Variants in SORCS3 observed in about 807,000 individuals in gnomAD.
SORCS3 encodes the protein sortilin related VPS10 domain containing receptor 3, also known as VPS10 domain-containing receptor SorCS3.
SORCS3 carries 57 observed loss-of-function variants against 146.3 expected under a neutral mutation model. The observed-to-expected ratio is 0.39, with a 90% CI of 0.31 to 0.49. SORCS3 has a LOEUF of 0.49. SORCS3 is among the 20% of genes least tolerant of loss of function. SORCS3 has a pLI of 0.92. For synonymous variants in SORCS3, 653 were observed against 618.5 expected (o/e 1.06, Z -0.83); for missense variants, 1,341 against 1,575.5 (o/e 0.85, Z 2.52).
chr10:105,083,078 A>G (rs529746803), intron 5 of SORCS3, among the ~76,000 whole-genome samples: 3 of 152,276 alleles, frequency 2.0e-5, no homozygotes, highest in South Asian at 4.1e-4. Flanking sequence ...TCATAAATTC[A>G]TACCTGATCT....
chr10:105,155,000 G>A (rs1054165055), intron 9 of SORCS3, among the ~76,000 whole-genome samples: 3 of 152,128 alleles, frequency 2.0e-5, no homozygotes, highest in African/African-American at 4.8e-5. Context: ...TGTTTCAGAC[G>A]GGAAGGAGAT....
chr10:104,974,127 A>G (rs537970758), intron 3 of SORCS3, among the ~76,000 whole-genome samples: 9 of 152,228 alleles, frequency 5.9e-5, no homozygotes, highest in South Asian at 2.1e-4. Flanking sequence ...TATGTGGTCA[A>G]TTTTGGAATA....
intron 2 of SORCS3, among the ~76,000 whole-genome samples, chr10:104,898,033 G>A (rs941940463): frequency 2.6e-5 from 4 of 152,176 alleles, no homozygotes; most frequent in Non-Finnish European, 4.4e-5. Flanking sequence ...TAGGTTTGTG[G>A]TGGCTTCTCT....
intron 5 of SORCS3, among the ~76,000 whole-genome samples, chr10:105,079,372 G>T (rs1453269558): frequency 6.6e-6 from 1 of 152,188 alleles, no homozygotes; most frequent in African/African-American, 2.4e-5. Flanking sequence ...TAAATATTGA[G>T]CTGGGCCATA....
chr10:104,952,803 A>T (rs143652123), intron 3 of SORCS3, among the ~76,000 whole-genome samples: 1 of 152,218 alleles, frequency 6.6e-6, no homozygotes, highest in Non-Finnish European at 1.5e-5. Flanking sequence ...TTGTGTTAAC[A>T]TGTTATAAAT....
At chr10:105,104,322 A>AT (rs888802396) in intron 6 of SORCS3, among the ~76,000 whole-genome samples, 2 of 151,972 alleles carry the variant, frequency 1.3e-5, no homozygotes, top group Non-Finnish European at 2.9e-5. Flanking sequence ...TTTAAAGCAA[A>AT]TTTTTTTGGT....
intron 8 of SORCS3, among the ~76,000 whole-genome samples, chr10:105,144,867 C>G (rs914579656): frequency 3.3e-5 from 5 of 152,074 alleles, no homozygotes; most frequent in African/African-American, 9.7e-5. Context: ...TTATGCTTTT[C>G]TTTTTCTTGA....
intron 1 of SORCS3, among the ~76,000 whole-genome samples, chr10:104,751,727 A>C (rs1452002154): frequency 6.6e-6 from 1 of 151,530 alleles, no homozygotes; most frequent in Non-Finnish European, 1.5e-5. Context: ...TAATAATCCC[A>C]TCGCAGGGAA....
intron 3 of SORCS3, among the ~76,000 whole-genome samples, chr10:104,974,345 T>C (rs941841527): frequency 7.2e-5 from 11 of 152,152 alleles, no homozygotes; most frequent in Admixed American, 3.9e-4. Flanking sequence ...TCTTTGTAGG[T>C]CACTCAGGAC....
intron 2 of SORCS3, among the ~76,000 whole-genome samples, chr10:104,881,014 T>A (rs1488614595): frequency 6.6e-6 from 1 of 152,200 alleles, no homozygotes; most frequent in Non-Finnish European, 1.5e-5. Context: ...AGATAATGCC[T>A]TGGAATCAAA....
chr10:104,830,170 G>T (rs1358120766), intron 1 of SORCS3, among the ~76,000 whole-genome samples: 1 of 152,070 alleles, frequency 6.6e-6, no homozygotes, highest in African/African-American at 2.4e-5. Context: ...TTCTCTTCCT[G>T]TGTTATTTTG....
intron 5 of SORCS3, among the ~76,000 whole-genome samples, chr10:105,082,773 C>G (rs1181729075): frequency 6.6e-6 from 1 of 152,150 alleles, no homozygotes; most frequent in African/African-American, 2.4e-5. Flanking sequence ...CCCTGTCACC[C>G]AGGCTGGAGT....
intron 1 of SORCS3, among the ~76,000 whole-genome samples, chr10:104,648,457 C>A (rs115075615): frequency 2.0e-3 from 312 of 152,256 alleles, no homozygotes; most frequent in African/African-American, 7.2e-3. Context: ...TAGATTGAGG[C>A]CCCAGGATGG....
intron 6 of SORCS3, among the ~76,000 whole-genome samples, chr10:105,090,199 C>G (rs182217087): frequency 3.3e-5 from 5 of 152,150 alleles, no homozygotes; most frequent in South Asian, 2.1e-4. Context: ...AAGTATGAAC[C>G]CTTTATATAG....
At chr10:104,741,713 T>TTTTTTG in intron 1 of SORCS3, among the ~76,000 whole-genome samples, 1 of 137,548 alleles carries the variant, frequency 7.3e-6, no homozygotes, top group Non-Finnish European at 1.6e-5. Flanking sequence ...TTTTTTTTTT[T>TTTTTTG]TTTTTTTTTT....
chr10:104,995,085 T>C (rs2133666520), intron 4 of SORCS3, among the ~76,000 whole-genome samples: 1 of 152,256 alleles, frequency 6.6e-6, no homozygotes, highest in Admixed American at 6.5e-5. Flanking sequence ...TTTATATTCT[T>C]AGTAACACTT....
At chr10:105,051,313 T>C (rs1203653561) in intron 5 of SORCS3, among the ~76,000 whole-genome samples, 1 of 152,072 alleles carries the variant, frequency 6.6e-6, no homozygotes, top group Non-Finnish European at 1.5e-5. Context: ...GGGTGGAGGA[T>C]GAAGGGCAGA....
chr10:105,152,935 A>G (rs2056177807), intron 9 of SORCS3, among the ~76,000 whole-genome samples: 1 of 114,632 alleles, frequency 8.7e-6, no homozygotes, highest in South Asian at 2.7e-4. Flanking sequence ...TTTTCTCACT[A>G]TTAATTTTTT....
intron 14 of SORCS3, among the ~76,000 whole-genome samples, chr10:105,196,323 G>C (rs1215930567): frequency 6.6e-6 from 1 of 152,186 alleles, no homozygotes; most frequent in African/African-American, 2.4e-5. Flanking sequence ...TCCCTCACAG[G>C]CCAGGTGTGG....
Sources: gnomAD v4.1 joint callset for allele counts (sites outside exome capture counted in the v4.1 genomes callset) on GRCh38, gnomAD v4.1.1 for gene constraint, MANE v1.5 for transcripts, NCBI Gene and HGNC (gene_info 2026-07-23, HGNC 2026-07-21) for gene names.